Variants in RXRA observed in about 807,000 individuals in gnomAD.
RXRA encodes retinoic acid receptor RXR-alpha.
RXRA carries 5 observed loss-of-function variants against 44.5 expected under a neutral mutation model. The ratio of observed to expected loss-of-function variants is 0.11; its 90% CI spans 0.06 to 0.24. The LOEUF (loss-of-function observed/expected upper bound fraction) is 0.24, where lower values mean the gene tolerates loss of function less well. Among genes scored for constraint, RXRA ranks in the 10% least tolerant of loss-of-function variants. The pLI, the probability that RXRA is intolerant of heterozygous loss-of-function variation, is 1.00. For missense variants in RXRA, 412 were observed against 646.5 expected, an observed-to-expected ratio of 0.64 and a Z score of 3.93; for synonymous variants, 291 against 271.4, an observed-to-expected ratio of 1.07 and a Z score of -0.71.
Position 134,438,728 on chromosome 9 carries a change from C to T in RXRA, c.*2114C>T, listed in dbSNP as rs1277623999. The T allele has an allele frequency of 2.0e-5, 3 of 153,122 alleles. No homozygotes were observed. Among genetic ancestry groups the T allele is most frequent in the Non-Finnish European group, 4.4e-5 (3 of 68,346 alleles). 9.5% of individuals were successfully genotyped at this position (153,122 alleles called of 1,614,324 possible). ...CCTGGTGCCTTCTGCAGCCAGCGCC[C>T]ACCCATCCGTGCCCGGACCCTTGGG... On this transcript the variant is annotated 3_prime_UTR_variant, in exon 10 of 10. Transcript: ENST00000481739.
intron 1 of RXRA, among the ~76,000 whole-genome samples, chr9:134,327,100 G>C (rs1222388942): frequency 4.6e-5 from 7 of 152,016 alleles, no homozygotes; most frequent in Non-Finnish European, 7.4e-5. Context: ...CCCGCCCGTC[G>C]GGCTGCGGCT....
rs1012173922 is a variant in RXRA, at chr9:134,407,533, G to A, written c.280-616G>A. Among the ~76,000 whole-genome samples the A allele has an allele frequency of 1.3e-5, 2 of 152,222 alleles. No homozygotes were observed. The highest frequency in any genetic ancestry group is 2.9e-5 in the Non-Finnish European group (2 of 68,034). On this transcript the variant is annotated intron_variant, in intron 2 of 9. Transcript: ENST00000481739. This position sits in a 1 kb window ranked among gnomAD's most constrained non-coding sequence, Gnocchi z 4.8. ...TTGCCCGGGCGGCAGCGTGCGGGCC[G>A]GCGGGTGGGGCGGAGGGGTGTGCAG...
chr9:134,403,645 G>A (rs1291255162), intron 2 of RXRA: 2 of 152,468 alleles, frequency 1.3e-5, no homozygotes, highest in Non-Finnish European at 2.9e-5. Context: ...AGGGATGCCT[G>A]GTGTCCTCCG....
In RXRA at chr9:134,349,263, C is replaced by T. The variant is rs2119040229; in HGVS notation, c.28+22604C>T. Among the ~76,000 whole-genome samples, 2 of 152,320 alleles carry T rather than the reference C, an allele frequency of 1.3e-5. No individual in the cohort carries two copies. Among genetic ancestry groups the T allele is most frequent in the Non-Finnish European group, 2.9e-5 (2 of 68,018 alleles). On this transcript the variant is annotated intron_variant, in intron 1 of 9. Coordinates refer to ENST00000481739, the MANE Select transcript of RXRA (RefSeq NM_002957.6). This position sits in a 1 kb window ranked among gnomAD's most constrained non-coding sequence, Gnocchi z 4.3. ...AGCTCCCACTTCCTCATGCTGGGCA[C>T]ATGGGGAGCCCTGCTGACCCCTGTT... is the stretch of plus-strand genomic sequence containing the variant.
At chr9:134,378,920 C>T (rs772054893) in intron 1 of RXRA, among the ~76,000 whole-genome samples, 2 of 152,208 alleles carry the variant, frequency 1.3e-5, no homozygotes, top group Non-Finnish European at 2.9e-5. Flanking sequence ...GTCAGATTGT[C>T]CTGCTTCATC....
chr9:134,329,807 G>A (rs1469427774), intron 1 of RXRA, among the ~76,000 whole-genome samples: 2 of 152,012 alleles, frequency 1.3e-5, no homozygotes, highest in African/African-American at 4.8e-5. Context: ...CTGTGTGGGA[G>A]GTCGCTGTCA....
chr9:134,373,914 A>T (rs555714177), intron 1 of RXRA: 2 of 152,318 alleles, frequency 1.3e-5, no homozygotes, highest in African/African-American at 4.8e-5. Context: ...GGCTCAAGTG[A>T]TCCTCCCGCC....
chr9:134,349,795 A>T lies in RXRA; in HGVS notation c.28+23136A>T, dbSNP rs1189478888. ...GTGTCCACCCAGGAAGGCTGCTTGG[A>T]GGAGGGGCAGAGCTGGGCTAGCTCG... On this transcript the variant is annotated intron_variant, in intron 1 of 9. Coordinates refer to ENST00000481739, the MANE Select transcript of RXRA (RefSeq NM_002957.6). This position sits in a 1 kb window ranked among gnomAD's most constrained non-coding sequence, Gnocchi z 4.3. Among the ~76,000 whole-genome samples, 1 of 14,710 alleles carries T rather than the reference A, an allele frequency of 6.8e-5. No homozygotes were observed. The highest frequency in any genetic ancestry group is 1.2e-4 in the Non-Finnish European group (1 of 8,028). The allele number at this position is 14,710 out of a possible 152,430, so 9.7% of individuals were successfully genotyped here.
chr9:134,418,992 G>A (rs979015646), intron 5 of RXRA, among the ~76,000 whole-genome samples: 3 of 152,206 alleles, frequency 2.0e-5, no homozygotes, highest in Non-Finnish European at 2.9e-5. Flanking sequence ...ACAACCTGGT[G>A]CCCCCACGTC....
chr9:134,367,330 G>C (rs949568231), intron 1 of RXRA, among the ~76,000 whole-genome samples: 23 of 152,294 alleles, frequency 1.5e-4, no homozygotes, highest in South Asian at 4.1e-4. Context: ...TCTGCGGTGG[G>C]GGGGAGGGTG....
At chr9:134,338,833 C>T (rs1468627184) in intron 1 of RXRA, among the ~76,000 whole-genome samples, 2 of 152,160 alleles carry the variant, frequency 1.3e-5, no homozygotes, top group Non-Finnish European at 2.9e-5. Context: ...TTGGGAGTCT[C>T]CAGGGTCCCC....
At chr9:134,424,898 C>T in intron 6 of RXRA, 1 of 985,374 alleles carries the variant, frequency 1.0e-6, no homozygotes, top group African/African-American at 1.7e-5. Context: ...AGGCCCCGCC[C>T]AGCTCCGGCA....
chr9:134,398,106 A>G (rs573774718), intron 1 of RXRA, among the ~76,000 whole-genome samples: 22 of 152,152 alleles, frequency 1.4e-4, no homozygotes, highest in Non-Finnish European at 2.5e-4. Context: ...CAGCCTCCCA[A>G]GTAGCTGGAA....
At chr9:134,423,130 T>C in intron 6 of RXRA, 2 of 985,376 alleles carry the variant, frequency 2.0e-6, no homozygotes, top group East Asian at 1.1e-4. Flanking sequence ...AAAGGGGGTG[T>C]GAGGGGCGTG....
At chr9:134,371,075 G>C (rs1014743758) in intron 1 of RXRA, among the ~76,000 whole-genome samples, 2 of 152,138 alleles carry the variant, frequency 1.3e-5, no homozygotes, top group African/African-American at 4.8e-5. Context: ...GGTCACCCTC[G>C]CTCTGGGACA....
intron 1 of RXRA, among the ~76,000 whole-genome samples, chr9:134,351,933 G>A (rs1404591087): frequency 6.6e-6 from 1 of 152,216 alleles, no homozygotes; most frequent in Non-Finnish European, 1.5e-5. Context: ...GTGTGCACGT[G>A]TGCGTGCATG....
At position 134,431,757 on chromosome 9, in the gene RXRA, G is replaced by T. The variant is rs529473301; in HGVS notation, c.1044-148G>T. 149 of 590,500 alleles carry T rather than the reference G, an allele frequency of 2.5e-4. 1 individual carries two copies. In the African/African-American group the frequency reaches 3.0e-3, roughly 12 times the overall value. 36.6% of individuals were successfully genotyped at this position (590,500 alleles called of 1,614,324 possible). ...TGGGTTCCAGCCCACTCCCTCTCGG[G>T]GTGTCTGGGAGTCCTTGCCTTGGCT... On this transcript the variant is annotated intron_variant, in intron 7 of 9. Coordinates refer to ENST00000481739, the MANE Select transcript of RXRA (RefSeq NM_002957.6).
chr9:134,419,594 G>T (rs554505099), intron 5 of RXRA, among the ~76,000 whole-genome samples: 1 of 152,358 alleles, frequency 6.6e-6, no homozygotes, highest in Non-Finnish European at 1.5e-5. Flanking sequence ...CACGGTCCTG[G>T]TGCCTGGTTT....
At chr9:134,337,406 G>T (rs1328135821) in intron 1 of RXRA, among the ~76,000 whole-genome samples, 1 of 152,256 alleles carries the variant, frequency 6.6e-6, no homozygotes, top group Non-Finnish European at 1.5e-5. Flanking sequence ...CAAGCGGGCA[G>T]TAGTGGTCTC....
Sources: gnomAD v4.1 joint callset for allele counts (sites outside exome capture counted in the v4.1 genomes callset) on GRCh38, gnomAD v4.1.1 for gene constraint, Gnocchi (gnomAD v3.1) non-coding constraint, MANE v1.5 for transcripts, NCBI Gene and HGNC (gene_info 2026-07-23, HGNC 2026-07-21) for gene names.